The following SLC12A8 variants were observed in gnomAD, a reference collection of about 807,000 sequenced individuals.
SLC12A8 encodes the protein cation-chloride cotransporter 9.
A neutral mutation model predicts 75.6 loss-of-function variants in SLC12A8; 69 were observed. The observed-to-expected ratio is 0.91, with a 90% confidence interval of 0.75 to 1.11. SLC12A8 has a LOEUF of 1.11. Ranked by LOEUF, SLC12A8 falls within the 50% of genes most tolerant of loss-of-function variation. The probability of loss-of-function intolerance (pLI) is 0.00; values close to 1 mark genes in which losing one functional copy is unlikely to be tolerated. For synonymous variants in SLC12A8, 365 were observed against 372.8 expected, an observed-to-expected ratio of 0.98 and a Z score of 0.24; for missense variants, 877 against 896.7, an observed-to-expected ratio of 0.98 and a Z score of 0.28.
intron 6 of SLC12A8, among the ~76,000 whole-genome samples, chr3:125,134,638 AC>A (rs1248581610): frequency 6.6e-6 from 1 of 152,186 alleles, no homozygotes. Flanking sequence ...AAACTGTCAA[AC>A]TTTTTTCCAA....
rs774597357 is a variant in SLC12A8, at chr3:125,177,927, C to T, written c.438G>A (p.Ser146=). Residue 146 remains serine, a synonymous_variant, in exon 5 of 14, where the codon TCG becomes TCA. Transcript: ENST00000469902. The stretch of plus-strand genomic sequence containing the variant: ...AGATATTCCCGAGGCCCAGCAAATC[C>T]GAGATGGATTCAGCAAAGCCGGTGA... The part of the protein sequence containing the change: ...MYITGFAESI[S]DLLGLGNIWA... The T allele has an allele frequency of 6.2e-6, 10 of 1,613,900 alleles. No individual in the cohort carries two copies. The highest frequency in any genetic ancestry group is 4.5e-5 in the East Asian group (2 of 44,898).
At chr3:125,126,346 G>A (rs569801283) in intron 6 of SLC12A8, among the ~76,000 whole-genome samples, 52 of 152,236 alleles carry the variant, frequency 3.4e-4, no homozygotes, top group East Asian at 5.8e-4. Context: ...TGGGGTCAGC[G>A]CCTACTTCCA....
intron 5 of SLC12A8, among the ~76,000 whole-genome samples, chr3:125,148,953 G>A (rs1933851681): frequency 6.7e-6 from 1 of 148,264 alleles, no homozygotes; most frequent in African/African-American, 2.6e-5. Context: ...GCAGTGAGAG[G>A]AACACAAACC....
At chr3:125,185,545 AG>A (rs1243410160) in intron 4 of SLC12A8, among the ~76,000 whole-genome samples, 3 of 152,176 alleles carry the variant, frequency 2.0e-5, no homozygotes, top group Non-Finnish European at 4.4e-5. Context: ...ATATGTTTAA[AG>A]AATTAACACC....
At position 125,083,643 on chromosome 3, in the gene SLC12A8, A is replaced by T. The variant is rs1579455824; in HGVS notation, c.*247T>A. 1 of 373,154 alleles carries T rather than the reference A, an allele frequency of 2.7e-6. No homozygotes were observed. The highest frequency in any genetic ancestry group is 4.9e-6 in the Non-Finnish European group (1 of 203,918). The allele number at this position is 373,154 out of a possible 1,614,324, so 23.1% of individuals were successfully genotyped here. ...AGGCTGAGGCAGGAGAATTGCTTGA[A>T]CTCGGGAAGCAGAGGTTGCAGTGAG... On this transcript the variant is annotated 3_prime_UTR_variant, in exon 14 of 14. Transcript: ENST00000469902.
chr3:125,133,912 C>T (rs558204430), intron 6 of SLC12A8, among the ~76,000 whole-genome samples: 1 of 152,184 alleles, frequency 6.6e-6, no homozygotes, highest in African/African-American at 2.4e-5. Flanking sequence ...TCCTTCTGCA[C>T]TTTAGTAATC....
chr3:125,211,622 C>T (rs1345552600), intron 1 of SLC12A8, among the ~76,000 whole-genome samples: 1 of 152,184 alleles, frequency 6.6e-6, no homozygotes, highest in Admixed American at 6.5e-5. Flanking sequence ...TGCCCTAGAA[C>T]CTCAGGCACT....
At chr3:125,185,938 G>A (rs558820709) in intron 4 of SLC12A8, among the ~76,000 whole-genome samples, 32 of 152,334 alleles carry the variant, frequency 2.1e-4, no homozygotes, top group African/African-American at 7.5e-4. Context: ...CCAGCACTTA[G>A]AAAACATCTT....
At chr3:125,197,417 G>A (rs1243959748) in intron 2 of SLC12A8, among the ~76,000 whole-genome samples, 4 of 152,046 alleles carry the variant, frequency 2.6e-5, no homozygotes, top group African/African-American at 4.8e-5. Context: ...TAAGCTTCCT[G>A]AGTATCTGGG....
At position 125,083,039 on chromosome 3, in the gene SLC12A8, A is replaced by G. The variant is rs1005099490; in HGVS notation, c.*851T>C. ...TACATTCCCATTTGCTTGTATATCC[A>G]TAAAGAAATGCTGGATGTACGGATG... is the stretch of plus-strand genomic sequence containing the variant. On this transcript the variant is annotated 3_prime_UTR_variant, in exon 14 of 14. Coordinates refer to ENST00000469902, the MANE Select transcript of SLC12A8 (RefSeq NM_024628.6). 2.0e-5 allele frequency: 3 copies of G among 152,250 alleles called. No individual in the cohort carries two copies. Among genetic ancestry groups the G allele is most frequent in the African/African-American group, 7.2e-5 (3 of 41,466 alleles). The allele number at this position is 152,250 out of a possible 1,614,324, so 9.4% of individuals were successfully genotyped here. A position where few individuals can be genotyped will look rare whatever the true frequency, so the allele number is the denominator to read the frequency against.
intron 5 of SLC12A8, among the ~76,000 whole-genome samples, chr3:125,148,684 C>T (rs547385208): frequency 1.3e-5 from 2 of 152,336 alleles, no homozygotes; most frequent in South Asian, 2.1e-4. Context: ...ACAGAGCCCA[C>T]TCTCTGCATG....
rs529749336 is a variant in SLC12A8, at chr3:125,128,992, G to A, written c.736+6677C>T. 2.6e-5 allele frequency among the ~76,000 whole-genome samples: 4 copies of A among 152,280 alleles called. No individual in the cohort carries two copies. In the South Asian group the frequency reaches 8.3e-4, roughly 32 times the overall value. Reference sequence around the variant, plus strand: ...AGCAGGAGAGAGGAGTCAGGCCCAGGGAGGTCAAAGGGCATCACAGAAATA... The same window carrying A: ...AGCAGGAGAGAGGAGTCAGGCCCAGAGAGGTCAAAGGGCATCACAGAAATA... On this transcript the variant is annotated intron_variant, in intron 6 of 13. Coordinates refer to ENST00000469902, the MANE Select transcript of SLC12A8 (RefSeq NM_024628.6).
At position 125,108,003 on chromosome 3, in the gene SLC12A8, A is replaced by C; in HGVS notation, c.1183T>G (p.Tyr395Asp). Residue 395 changes from tyrosine to aspartate, a missense_variant, in exon 10 of 14, where the codon TAC becomes GAC. Tyr to Asp is a radical substitution (Grantham distance 160). Transcript: ENST00000469902. ...AAGTAAGAGTAGTCCACTGCAACGTATGTCAGCATGAAGTTGATGGTGACG... is the reference window on the plus strand; with the variant it reads ...AAGTAAGAGTAGTCCACTGCAACGTCTGTCAGCATGAAGTTGATGGTGACG... ...PIVTINFMLT[Y>D]VAVDYSYFSL... The C allele has an allele frequency of 6.2e-7, 1 of 1,614,180 alleles. No homozygotes were observed. The highest frequency in any genetic ancestry group is 1.7e-5 in the Admixed American group (1 of 60,008).
intron 9 of SLC12A8, among the ~76,000 whole-genome samples, chr3:125,109,779 T>G (rs1939143253): frequency 1.3e-5 from 2 of 152,164 alleles, no homozygotes; most frequent in African/African-American, 4.8e-5. Flanking sequence ...CGGTTGAAAC[T>G]CAAGGGCAGA....
chr3:125,090,766 T>A (rs1938562984), intron 12 of SLC12A8, among the ~76,000 whole-genome samples: 1 of 152,224 alleles, frequency 6.6e-6, no homozygotes, highest in South Asian at 2.1e-4. Context: ...GTTAGCCTGA[T>A]GTATCTTTTT....
intron 5 of SLC12A8, among the ~76,000 whole-genome samples, chr3:125,163,586 G>A (rs1415382648): frequency 1.4e-5 from 2 of 140,460 alleles, no homozygotes; most frequent in Admixed American, 7.3e-5. Context: ...GCAACAGAGC[G>A]AGACTCTGTC....
chr3:125,200,931 G>A (rs1935107659), intron 2 of SLC12A8, among the ~76,000 whole-genome samples: 2 of 152,156 alleles, frequency 1.3e-5, no homozygotes, highest in Non-Finnish European at 2.9e-5. Flanking sequence ...TAATCAGTAA[G>A]CTCCTAAAGC....
At chr3:125,146,829 C>T (rs893301280) in intron 5 of SLC12A8, among the ~76,000 whole-genome samples, 13 of 152,364 alleles carry the variant, frequency 8.5e-5, no homozygotes, top group African/African-American at 3.1e-4. Context: ...TTTGTAGAGA[C>T]AAGGTCTCTG....
At chr3:125,184,118 G>A (rs1011394732) in intron 4 of SLC12A8, among the ~76,000 whole-genome samples, 13 of 151,794 alleles carry the variant, frequency 8.6e-5, no homozygotes, top group Admixed American at 3.3e-4. Context: ...GATTACAGAC[G>A]TGCGCCACCA....
Sources: allele counts gnomAD v4.1 joint callset (sites outside exome capture counted in the v4.1 genomes callset), GRCh38; gene constraint gnomAD v4.1.1; transcripts MANE v1.5; gene names NCBI Gene and HGNC (gene_info 2026-07-23, HGNC 2026-07-21).